Variants in TMEM44 observed in about 807,000 individuals in gnomAD.
TMEM44 encodes the protein transmembrane protein 44.
A neutral mutation model predicts 47.8 loss-of-function variants in TMEM44; 43 were observed. The observed-to-expected ratio is 0.90, with a 90% CI of 0.70 to 1.16. TMEM44 has a LOEUF of 1.16. Among genes scored for constraint, TMEM44 ranks in the 50% most tolerant of loss-of-function variants. TMEM44 has a pLI of 0.00. For missense variants in TMEM44, 568 were observed against 555.2 expected, an observed-to-expected ratio of 1.02 and a Z score of -0.23; for synonymous variants, 277 against 238.8, an observed-to-expected ratio of 1.16 and a Z score of -1.48.
chr3:194,592,229 A>C (rs80073225), intron 9 of TMEM44, among the ~76,000 whole-genome samples: 44,150 of 149,210 alleles, frequency 0.3, 7,527 homozygotes, highest in Non-Finnish European at 0.42. Context: ...CGTCTCAAAA[A>C]AAAAAAAAAA....
Position 194,633,296 on chromosome 3 carries a change from C to T in TMEM44, c.-81G>A. ...GCGGGCAAGCCCCGAGCGCCGCCGC[C>T]CCGCGTGCCCTTCTCTGGGTTCCGT... On this transcript the variant is annotated 5_prime_UTR_variant, in exon 1 of 10. Transcript: ENST00000347147. 3.0e-6 allele frequency: 2 copies of T among 670,172 alleles called. No individual in the cohort carries two copies. Among genetic ancestry groups the T allele is most frequent in the Non-Finnish European group, 3.7e-6 (2 of 534,822 alleles). 41.5% of individuals were successfully genotyped at this position (670,172 alleles called of 1,614,324 possible).
chr3:194,598,413 AG>A (rs1472444217), intron 9 of TMEM44, among the ~76,000 whole-genome samples: 2 of 136,306 alleles, frequency 1.5e-5, no homozygotes, highest in Admixed American at 1.6e-4. Flanking sequence ...GTCTCTGCCG[AG>A]GCAGTGGAGT....
chr3:194,630,021 G>A (rs1352022380), intron 1 of TMEM44, among the ~76,000 whole-genome samples: 1 of 91,374 alleles, frequency 1.1e-5, no homozygotes, highest in Non-Finnish European at 2.1e-5. Flanking sequence ...TCCAGAAGGG[G>A]CTGGCTGTTT....
chr3:194,621,024 CAAAAA>C (rs35118545), intron 5 of TMEM44, among the ~76,000 whole-genome samples: 1 of 117,330 alleles, frequency 8.5e-6, no homozygotes. Flanking sequence ...GACTCTGTCT[CAAAAA>C]AAAAAAAAAA....
In TMEM44 at chr3:194,615,685, A is replaced by T. The variant is rs1192988429; in HGVS notation, c.796T>A (p.Ser266Thr). 6.2e-7 allele frequency: 1 copy of T among 1,613,896 alleles called. No homozygotes were observed. Among genetic ancestry groups the T allele is most frequent in the Admixed American group, 1.7e-5 (1 of 59,990 alleles). The change falls in exon 7 of 10, where the codon TCG (serine) becomes ACG (threonine). Residue 266 changes from serine to threonine, a missense_variant. Coordinates refer to ENST00000347147, the MANE Select transcript of TMEM44 (RefSeq NM_001011655.3). ...AALDLAIIFL[S>T]CVMKSKMRQA... Reference sequence around the variant, plus strand: ...CTCATCTTGCTCTTCATCACACACGAAAGGAAAATAATCTGAGATGGTGTA... The same window carrying T: ...CTCATCTTGCTCTTCATCACACACGTAAGGAAAATAATCTGAGATGGTGTA...
chr3:194,628,942 T>C (rs932119593), intron 1 of TMEM44, among the ~76,000 whole-genome samples: 4 of 152,082 alleles, frequency 2.6e-5, no homozygotes, highest in Admixed American at 2.6e-4. Context: ...GGCAGGAGGA[T>C]CCTCTGAGGT....
At chr3:194,601,341 G>A (rs1191447312) in intron 9 of TMEM44, among the ~76,000 whole-genome samples, 1 of 143,880 alleles carries the variant, frequency 7.0e-6, no homozygotes, top group African/African-American at 2.6e-5. Context: ...TTTCGCTCTC[G>A]CTGCCCAGGC....
At chr3:194,623,474 G>C (rs1486323214) in intron 4 of TMEM44, 55 bp downstream of exon 4, 5 of 1,532,770 alleles carry the variant, frequency 3.3e-6, no homozygotes, top group East Asian at 4.7e-5. Flanking sequence ...CCCACCCTGG[G>C]CATTTGGCAG....
chr3:194,601,595 G>T (rs1015960843), intron 9 of TMEM44, among the ~76,000 whole-genome samples: 3 of 152,072 alleles, frequency 2.0e-5, no homozygotes, highest in African/African-American at 7.2e-5. Flanking sequence ...GAGCCACCCC[G>T]CCTGGCCATG....
intron 9 of TMEM44, among the ~76,000 whole-genome samples, chr3:194,595,032 T>G (rs1019506431): frequency 6.6e-6 from 1 of 152,196 alleles, no homozygotes; most frequent in Non-Finnish European, 1.5e-5. Context: ...TATATAGTCT[T>G]TTCCCTGTTT....
intron 1 of TMEM44, 56 bp downstream of exon 1, chr3:194,633,022 CA>C: frequency 6.5e-7 from 1 of 1,528,480 alleles, no homozygotes; most frequent in Non-Finnish European, 8.8e-7. Flanking sequence ...GAGGGAGCAG[CA>C]GGGGATTGGC....
intron 9 of TMEM44, 100 bp from the exon 10 acceptor site, chr3:194,588,739 A>G (rs1332503230): frequency 3.4e-6 from 4 of 1,184,074 alleles, no homozygotes; most frequent in Non-Finnish European, 4.9e-6. Context: ...CTTGGTTCTC[A>G]TGATCCAGGC....
At chr3:194,626,112 C>A in intron 2 of TMEM44, 122 bp from the exon 3 acceptor site, 1 of 712,216 alleles carries the variant, frequency 1.4e-6, no homozygotes, top group Non-Finnish European at 2.5e-6. Context: ...TTACGTACTC[C>A]TCCAGGGACA....
chr3:194,596,187 G>A lies in TMEM44; in HGVS notation c.1177-7548C>T, dbSNP rs1713387148. On this transcript the variant is annotated intron_variant, in intron 9 of 9. Transcript: ENST00000347147. ...AAGGCGCCCAGAAGGCCTCAAGCAG[G>A]GAAGCATCGGGCTGGGGTCGAGTGT... 3.9e-5 allele frequency among the ~76,000 whole-genome samples: 6 copies of A among 152,062 alleles called. No homozygotes were observed. The South Asian group carries it at 1.0e-3, about 26-fold the overall frequency.
chr3:194,615,966 T>A (rs1035534853), intron 6 of TMEM44, among the ~76,000 whole-genome samples: 1 of 152,150 alleles, frequency 6.6e-6, no homozygotes, highest in Non-Finnish European at 1.5e-5. Context: ...TTGGAAAACG[T>A]CTTTCTTGAC....
chr3:194,618,326 C>G (rs1260485421), intron 5 of TMEM44, among the ~76,000 whole-genome samples: 1 of 151,800 alleles, frequency 6.6e-6, no homozygotes, highest in Non-Finnish European at 1.5e-5. Flanking sequence ...TGTAAGCAGC[C>G]TTTATATACA....
In TMEM44 at chr3:194,633,215, TGGCGCGGCTGGGCGCGC is replaced by T; in HGVS notation, c.-17_-1del. 1.4e-6 allele frequency: 2 copies of T among 1,411,180 alleles called. No individual in the cohort carries two copies. Among genetic ancestry groups the T allele is most frequent in the South Asian group, 3.0e-5 (2 of 66,938 alleles). 87.4% of individuals were successfully genotyped at this position (1,411,180 alleles called of 1,614,324 possible). ...GGCGCGGGGCTGGGCGCCTCCCCCA[TGGCGCGGCTGGGCGCGC>T]GGCGCGGGGCCGGGGACCTGGGCGC... On this transcript the variant is annotated 5_prime_UTR_variant, in exon 1 of 10. Transcript: ENST00000347147.
chr3:194,591,371 A>G (rs1467372378), intron 9 of TMEM44, among the ~76,000 whole-genome samples: 1 of 149,200 alleles, frequency 6.7e-6, no homozygotes, highest in Non-Finnish European at 1.5e-5. Flanking sequence ...ACAGGCGCCT[A>G]TAATCCCAGC....
intron 4 of TMEM44, 98 bp downstream of exon 4, chr3:194,623,431 G>T: frequency 2.6e-6 from 4 of 1,509,944 alleles, no homozygotes; most frequent in East Asian, 2.4e-5. Flanking sequence ...AACAAAGGAA[G>T]GCTTAACCCC....
Sources: gnomAD v4.1 joint callset for allele counts (sites outside exome capture counted in the v4.1 genomes callset) on GRCh38, gnomAD v4.1.1 for gene constraint, MANE v1.5 for transcripts, NCBI Gene and HGNC (gene_info 2026-07-23, HGNC 2026-07-21) for gene names.